CAPZA2: variants seen among roughly 807,000 people sequenced by gnomAD.
CAPZA2 encodes the protein F-actin-capping protein subunit alpha-2.
CAPZA2 carries 13 observed loss-of-function variants against 44.0 expected under a neutral mutation model. That is an observed-to-expected ratio of 0.30 (90% CI 0.19 to 0.47). The LOEUF (loss-of-function observed/expected upper bound fraction) is 0.47, where lower values mean the gene tolerates loss of function less well. Ranked by LOEUF, CAPZA2 falls within the 20% of genes least tolerant of loss-of-function variation. The pLI is 1.00. For missense variants in CAPZA2, 244 were observed against 338.6 expected (o/e 0.72, Z 2.19); for synonymous variants, 94 against 108.2 (o/e 0.87, Z 0.81).
chr7:116,891,292 GGCATACTGTCCAT>G (rs1258943560), intron 2 of CAPZA2, among the ~76,000 whole-genome samples: 13 of 152,242 alleles, frequency 8.5e-5, no homozygotes, highest in African/African-American at 2.9e-4. Flanking sequence ...AACTGGAATA[GGCATACTGTCCAT>G]GCAATATCGC....
chr7:116,915,103 C>G (rs1791662036), intron 8 of CAPZA2, among the ~76,000 whole-genome samples: 1 of 152,004 alleles, frequency 6.6e-6, no homozygotes, highest in Non-Finnish European at 1.5e-5. Context: ...TATGACGAAA[C>G]CTCGTCTCTA....
At chr7:116,884,294 G>A (rs1796734459) in intron 1 of CAPZA2, among the ~76,000 whole-genome samples, 1 of 151,816 alleles carries the variant, frequency 6.6e-6, no homozygotes, top group African/African-American at 2.4e-5. Flanking sequence ...ATGACTTTTA[G>A]CACATGTATA....
At chr7:116,888,678 C>CAAAAA (rs757527471) in intron 2 of CAPZA2, 3 of 52,474 alleles carry the variant, frequency 5.7e-5, no homozygotes, top group Non-Finnish European at 7.7e-5. Flanking sequence ...TTGTCTCTAC[C>CAAAAA]AAAAAAAAAA....
rs1205746324 is a variant in CAPZA2 at position 116,882,718 on chromosome 7, TTTATG to T, written c.40-5404_40-5400del. Among the ~76,000 whole-genome samples, 5 of 152,228 alleles carry T rather than the reference TTTATG, an allele frequency of 3.3e-5. No individual in the cohort carries two copies. In the South Asian group the frequency reaches 6.2e-4, roughly 19 times the overall value. On this transcript the variant is annotated intron_variant, in intron 1 of 9. Coordinates refer to ENST00000361183, the MANE Select transcript of CAPZA2 (RefSeq NM_006136.3). ...AAGCGCAATAGAATGGAGCATATTT[TTTATG>T]TTATATTTGTTACTTATGTGTATAT... is the stretch of plus-strand genomic sequence containing the variant.
At chr7:116,888,347 A>G (rs976131840) in intron 2 of CAPZA2, 157 bp downstream of exon 2, 4 of 497,220 alleles carry the variant, frequency 8.0e-6, no homozygotes, top group African/African-American at 7.8e-5. Context: ...TAATGGCTAG[A>G]ATATAATGTA....
chr7:116,919,261 A>C lies in CAPZA2; in HGVS notation c.*1394A>C, dbSNP rs1791729501. 6.6e-6 allele frequency: 1 copy of C among 152,566 alleles called. No homozygotes were observed. Among genetic ancestry groups the C allele is most frequent in the African/African-American group, 2.4e-5 (1 of 41,414 alleles). The allele number at this position is 152,566 out of a possible 1,614,324, so 9.5% of individuals were successfully genotyped here. Reference sequence around the variant, plus strand: ...TGAGAATATAATATGAAATTATGACATTTTGTCTAAATCATCTTTTCTTTA... The same window carrying C: ...TGAGAATATAATATGAAATTATGACCTTTTGTCTAAATCATCTTTTCTTTA... On this transcript the variant is annotated 3_prime_UTR_variant, in exon 10 of 10. Coordinates refer to ENST00000361183, the MANE Select transcript of CAPZA2 (RefSeq NM_006136.3).
chr7:116,874,295 A>G (rs577599355), intron 1 of CAPZA2: 1 of 153,204 alleles, frequency 6.5e-6, no homozygotes, highest in East Asian at 1.9e-4. Flanking sequence ...AGCTACAAGT[A>G]GTGTCCTTTT....
intron 2 of CAPZA2, 95 bp from the exon 3 acceptor site, chr7:116,892,899 G>A (rs899899680): frequency 4.9e-6 from 3 of 615,882 alleles, no homozygotes; most frequent in African/African-American, 1.9e-5. Flanking sequence ...TGTGTTTGGG[G>A]TGGGAGGTGT....
At chr7:116,914,949 G>C (rs1291001303) in intron 8 of CAPZA2, among the ~76,000 whole-genome samples, 1 of 152,130 alleles carries the variant, frequency 6.6e-6, no homozygotes, top group Non-Finnish European at 1.5e-5. Flanking sequence ...ACAAGGGTAT[G>C]GTGCCGTCTT....
chr7:116,908,518 C>T (rs1286529014), intron 6 of CAPZA2, among the ~76,000 whole-genome samples: 1 of 152,118 alleles, frequency 6.6e-6, no homozygotes, highest in Non-Finnish European at 1.5e-5. Flanking sequence ...GCCATTTACT[C>T]TACTAATAAA....
At chr7:116,894,557 A>G (rs1222159731) in intron 3 of CAPZA2, among the ~76,000 whole-genome samples, 6 of 152,160 alleles carry the variant, frequency 3.9e-5, no homozygotes, top group African/African-American at 1.4e-4. Flanking sequence ...TACACATAAA[A>G]CATACTATTT....
intron 6 of CAPZA2, 185 bp downstream of exon 6, chr7:116,906,527 T>C: frequency 1.0e-6 from 1 of 1,002,538 alleles, no homozygotes; most frequent in Non-Finnish European, 1.4e-6. Flanking sequence ...CTAAAGGTAG[T>C]GGTAAATCTG....
chr7:116,898,908 G>T, intron 4 of CAPZA2, 73 bp downstream of exon 4: 1 of 855,744 alleles, frequency 1.2e-6, no homozygotes, highest in Non-Finnish European at 1.9e-6. Flanking sequence ...CTGTGAAGTG[G>T]TATGCTGCAA....
chr7:116,881,375 T>C (rs1300759702), intron 1 of CAPZA2, among the ~76,000 whole-genome samples: 1 of 151,458 alleles, frequency 6.6e-6, no homozygotes, highest in Non-Finnish European at 1.5e-5. Flanking sequence ...AACCTCAGAG[T>C]AGAGAAGGAA....
chr7:116,890,215 C>A (rs1399804441), intron 2 of CAPZA2, among the ~76,000 whole-genome samples: 1 of 152,012 alleles, frequency 6.6e-6, no homozygotes, highest in Non-Finnish European at 1.5e-5. Flanking sequence ...TCCTAAGTCT[C>A]ATTTAAAATT....
intron 4 of CAPZA2, 131 bp downstream of exon 4, chr7:116,898,966 A>T: frequency 2.1e-6 from 1 of 467,504 alleles, no homozygotes; most frequent in Non-Finnish European, 3.8e-6. Flanking sequence ...TGGGCAAAGT[A>T]ATTGAAGTTT....
chr7:116,910,191 A>C (rs760647847), intron 6 of CAPZA2, 42 bp from the exon 7 acceptor site: 1 of 1,031,566 alleles, frequency 9.7e-7, no homozygotes, highest in African/African-American at 1.6e-5. Context: ...GATTCAAATT[A>C]TTTTCCCTAC....
At chr7:116,881,574 C>T (rs1245413558) in intron 1 of CAPZA2, among the ~76,000 whole-genome samples, 2 of 151,716 alleles carry the variant, frequency 1.3e-5, no homozygotes, top group African/African-American at 4.8e-5. Context: ...CCCGTCTCTA[C>T]TAAAAATACA....
chr7:116,891,943 A>G (rs138705393), intron 2 of CAPZA2, among the ~76,000 whole-genome samples: 1 of 152,326 alleles, frequency 6.6e-6, no homozygotes, highest in East Asian at 1.9e-4. Context: ...CCAAAGTACA[A>G]AAAAGAATCT....
Sources: gnomAD v4.1 joint callset for allele counts (sites outside exome capture counted in the v4.1 genomes callset) on GRCh38, gnomAD v4.1.1 for gene constraint, MANE v1.5 for transcripts, NCBI Gene and HGNC (gene_info 2026-07-23, HGNC 2026-07-21) for gene names.